Variants in TMLHE observed in about 807,000 individuals in gnomAD.
TMLHE encodes the protein trimethyllysine dioxygenase, mitochondrial.
TMLHE carries 18 observed loss-of-function variants against 25.7 expected under a neutral mutation model. The ratio of observed to expected loss-of-function variants is 0.70; its 90% CI spans 0.48 to 1.04. TMLHE has a LOEUF of 1.04. Ranked by LOEUF, TMLHE falls within the 50% of genes least tolerant of loss-of-function variation. TMLHE has a pLI of 0.00. For synonymous variants in TMLHE, 105 were observed against 97.0 expected, an observed-to-expected ratio of 1.08 and a Z score of -0.49; for missense variants, 236 against 259.0, an observed-to-expected ratio of 0.91 and a Z score of 0.61.
intron 2 of TMLHE, among the ~76,000 whole-genome samples, chrX:155,535,415 A>G (rs2067272595): frequency 8.9e-6 from 1 of 111,904 alleles, no homozygotes; most frequent in Non-Finnish European, 1.9e-5. Context: ...CCTTGTTGCT[A>G]TATCCTCAAA....
At chrX:155,597,411 G>T (rs1315808004) in intron 1 of TMLHE, among the ~76,000 whole-genome samples, 1 of 111,405 alleles carries the variant, frequency 9.0e-6, no homozygotes, top group Non-Finnish European at 1.9e-5. Context: ...TTGTAAACTA[G>T]TTCAACCATT....
At chrX:155,513,742 A>T (rs2067133361) in intron 4 of TMLHE, among the ~76,000 whole-genome samples, 1 of 110,346 alleles carries the variant, frequency 9.1e-6, no homozygotes. Flanking sequence ...GTCACTTGGG[A>T]TCACTGGGCT....
At chrX:155,522,845 A>G (rs1467777810) in intron 3 of TMLHE, among the ~76,000 whole-genome samples, 1 of 111,712 alleles carries the variant, frequency 9.0e-6, no homozygotes, top group East Asian at 2.8e-4. Flanking sequence ...TTTTATGTGA[A>G]CATAAGTTTT....
intron 1 of TMLHE, among the ~76,000 whole-genome samples, chrX:155,589,550 T>G (rs2067683947): frequency 8.9e-6 from 1 of 112,140 alleles, no homozygotes; most frequent in Non-Finnish European, 1.9e-5. Flanking sequence ...AGATACTGCA[T>G]GTTCTCACTA....
chrX:155,610,095 G>A (rs1335679910), intron 1 of TMLHE, among the ~76,000 whole-genome samples: 1 of 112,302 alleles, frequency 8.9e-6, no homozygotes, highest in Admixed American at 9.4e-5. Flanking sequence ...AACGTTCATA[G>A]CAGCTTTATT....
At chrX:155,573,345 G>A (rs1329622566) in intron 1 of TMLHE, among the ~76,000 whole-genome samples, 1 of 56,537 alleles carries the variant, frequency 1.8e-5, no homozygotes, top group Non-Finnish European at 4.6e-5. Context: ...AGGTGCTGGA[G>A]AGGATGTGGA....
chrX:155,509,743 C>A (rs1161006293), intron 5 of TMLHE, among the ~76,000 whole-genome samples: 1 of 111,402 alleles, frequency 9.0e-6, no homozygotes, highest in African/African-American at 3.3e-5. Context: ...TCAGTGTAAC[C>A]ATGAGCAATT....
At chrX:155,512,321 C>T (rs1168968253) in intron 4 of TMLHE, among the ~76,000 whole-genome samples, 3 of 97,222 alleles carry the variant, frequency 3.1e-5, no homozygotes, top group Admixed American at 1.1e-4. Flanking sequence ...TCCCCCCTTC[C>T]CCCCACCCCA....
At chrX:155,542,527 C>A (rs918875170) in intron 2 of TMLHE, among the ~76,000 whole-genome samples, 2 of 111,479 alleles carry the variant, frequency 1.8e-5, no homozygotes, top group African/African-American at 6.5e-5. Context: ...AAAAGTCATA[C>A]GGAATCTCAA....
chrX:155,515,156 C>T (rs2067143673), intron 3 of TMLHE, among the ~76,000 whole-genome samples: 1 of 111,066 alleles, frequency 9.0e-6, no homozygotes, highest in South Asian at 3.7e-4. Flanking sequence ...AGCCTGGCAT[C>T]ATTCCTTCCA....
chrX:155,547,716 T>TA (rs200315899), intron 1 of TMLHE, among the ~76,000 whole-genome samples: 2,829 of 101,147 alleles, frequency 0.028, 53 homozygotes, highest in South Asian at 0.041. Context: ...AAACTGATTG[T>TA]AAAAAAAAAA....
intron 2 of TMLHE, among the ~76,000 whole-genome samples, chrX:155,528,103 C>A (rs781800093): frequency 2.7e-4 from 30 of 110,447 alleles, no homozygotes; most frequent in Non-Finnish European, 4.9e-4. Context: ...TTATACCCAT[C>A]AGAGCAATAA....
At chrX:155,534,663 C>G (rs1183413026) in intron 2 of TMLHE, among the ~76,000 whole-genome samples, 1 of 111,694 alleles carries the variant, frequency 9.0e-6, no homozygotes, top group Non-Finnish European at 1.9e-5. Context: ...TACCTCAAGT[C>G]TCACCCATAT....
At chrX:155,584,884 A>G (rs1182303057) in intron 1 of TMLHE, among the ~76,000 whole-genome samples, 1 of 111,449 alleles carries the variant, frequency 9.0e-6, no homozygotes, top group East Asian at 2.8e-4. Context: ...GAAATGCTCG[A>G]GTCTTAAACC....
At chrX:155,558,252 C>T (rs1603062162) in intron 1 of TMLHE, among the ~76,000 whole-genome samples, 1 of 111,789 alleles carries the variant, frequency 8.9e-6, no homozygotes. Context: ...AAACTGGAAG[C>T]CCTTCCCTTC....
At chrX:155,512,243 T>G (rs2124334404) in intron 4 of TMLHE, among the ~76,000 whole-genome samples, 1 of 109,455 alleles carries the variant, frequency 9.1e-6, no homozygotes, top group African/African-American at 3.4e-5. Context: ...TGTATACATG[T>G]GCCATGCTGG....
At chrX:155,548,445 CA>C (rs1203931213) in intron 1 of TMLHE, among the ~76,000 whole-genome samples, 1 of 111,228 alleles carries the variant, frequency 9.0e-6, no homozygotes, top group African/African-American at 3.3e-5. Flanking sequence ...TATTTAAAGA[CA>C]TCCTACAGGC....
rs1199335225 is a variant in TMLHE, at chrX:155,566,939, G to A, written c.-1-21662C>T. Among the ~76,000 whole-genome samples, 6 of 61,990 alleles carry A rather than the reference G, an allele frequency of 9.7e-5. 2 individuals carry two copies. The highest frequency in any genetic ancestry group is 1.8e-4 in the Non-Finnish European group (4 of 22,154). The allele number at this position is 61,990 out of a possible 115,157, so 53.8% of individuals were successfully genotyped here. A position where few individuals can be genotyped will look rare whatever the true frequency, so the allele number is the denominator to read the frequency against. ...GTGATGCATACTATTTGAACCAAACGTGCTGGTGTTATCTTGATTTTAACT... is the reference window on the plus strand; with the variant it reads ...GTGATGCATACTATTTGAACCAAACATGCTGGTGTTATCTTGATTTTAACT... On this transcript the variant is annotated intron_variant, in intron 1 of 7. Transcript: ENST00000334398.
chrX:155,541,684 T>A (rs1240864035), intron 2 of TMLHE, among the ~76,000 whole-genome samples: 5 of 111,798 alleles, frequency 4.5e-5, no homozygotes, highest in Non-Finnish European at 9.4e-5. Context: ...CGTTCCTATT[T>A]CTCCACATCC....
Sources: gnomAD v4.1 joint callset for allele counts (sites outside exome capture counted in the v4.1 genomes callset) on GRCh38, gnomAD v4.1.1 for gene constraint, MANE v1.5 for transcripts, NCBI Gene and HGNC (gene_info 2026-07-23, HGNC 2026-07-21) for gene names.